Variants in RTTN observed in about 807,000 individuals in gnomAD.
RTTN encodes the protein rotatin.
A neutral mutation model predicts 269.2 loss-of-function variants in RTTN; 182 were observed. The ratio of observed to expected loss-of-function variants is 0.68; its 90% confidence interval spans 0.60 to 0.76. The LOEUF (loss-of-function observed/expected upper bound fraction) is 0.76. Among genes scored for constraint, RTTN ranks in the 30% least tolerant of loss-of-function variants. RTTN has a pLI of 0.00. For missense variants in RTTN, 2,545 were observed against 2,608.6 expected, an observed-to-expected ratio of 0.98 and a Z score of 0.53; for synonymous variants, 1,006 against 963.5, an observed-to-expected ratio of 1.04 and a Z score of -0.82.
At chr18:70,160,256 A>C (rs2060791252) in intron 14 of RTTN, among the ~76,000 whole-genome samples, 1 of 152,012 alleles carries the variant, frequency 6.6e-6, no homozygotes, top group Admixed American at 6.6e-5. Flanking sequence ...TGCCTTATCC[A>C]CTGGATGCAA....
At chr18:70,041,353 T>C (rs2144718330) in intron 40 of RTTN, among the ~76,000 whole-genome samples, 1 of 150,866 alleles carries the variant, frequency 6.6e-6, no homozygotes. Flanking sequence ...CCTCCTGAAA[T>C]CCCATTAAAA....
intron 14 of RTTN, among the ~76,000 whole-genome samples, chr18:70,162,899 A>AG: frequency 6.7e-6 from 1 of 150,196 alleles, no homozygotes; most frequent in Non-Finnish European, 1.5e-5. Flanking sequence ...AAAAAAAAAA[A>AG]AAAAACAGAA....
rs538592027 is a variant in RTTN at position 70,105,634 on chromosome 18, A to C, written c.3903+3864T>G. 3.3e-5 allele frequency among the ~76,000 whole-genome samples: 5 copies of C among 152,134 alleles called. No homozygotes were observed. In the East Asian group the frequency reaches 9.7e-4, roughly 29 times the overall value. On this transcript the variant is annotated intron_variant, in intron 28 of 48. Transcript: ENST00000640769. Reference sequence around the variant, plus strand: ...TTTGGCCATCTTGGAACCTCTCCGAAATTTATTTTATTAAAGGGACTCCAG... The same window carrying C: ...TTTGGCCATCTTGGAACCTCTCCGACATTTATTTTATTAAAGGGACTCCAG...
At chr18:70,155,071 C>A (rs2060639229) in intron 14 of RTTN, among the ~76,000 whole-genome samples, 1 of 152,152 alleles carries the variant, frequency 6.6e-6, no homozygotes, top group African/African-American at 2.4e-5. Context: ...TGTTCAAGGT[C>A]CCACCGCCTT....
intron 40 of RTTN, among the ~76,000 whole-genome samples, chr18:70,036,319 A>T (rs1401284520): frequency 6.6e-6 from 1 of 152,228 alleles, no homozygotes; most frequent in African/African-American, 2.4e-5. Context: ...GGAAAACTGG[A>T]TAAAGAAAAT....
At chr18:70,189,994 C>T (rs2146088527) in intron 9 of RTTN, among the ~76,000 whole-genome samples, 1 of 152,192 alleles carries the variant, frequency 6.6e-6, no homozygotes, top group Admixed American at 6.5e-5. Context: ...AAAATTACTA[C>T]AAAGGTAAGA....
intron 40 of RTTN, among the ~76,000 whole-genome samples, chr18:70,039,031 A>T (rs150867043): frequency 6.6e-6 from 1 of 152,324 alleles, no homozygotes; most frequent in East Asian, 1.9e-4. Flanking sequence ...ACACAGAGTC[A>T]GGGGAAGGAG....
rs73970811 is a variant in RTTN, at chr18:70,015,976, T to C, written c.6421+1431A>G. 8.0e-3 allele frequency among the ~76,000 whole-genome samples: 1,222 copies of C among 152,278 alleles called. 25 individuals carry two copies. Among genetic ancestry groups the C allele is most frequent in the African/African-American group, 0.027 (1,138 of 41,552 alleles). Reference sequence around the variant, plus strand: ...ATTATCATCACCCTCATTTTACAAATGTGAGGGCTGAAGCAGCTACAGTGG... The same window carrying C: ...ATTATCATCACCCTCATTTTACAAACGTGAGGGCTGAAGCAGCTACAGTGG... On this transcript the variant is annotated intron_variant, in intron 46 of 48. Transcript: ENST00000640769.
intron 14 of RTTN, among the ~76,000 whole-genome samples, chr18:70,155,055 C>T (rs2060638591): frequency 6.6e-6 from 1 of 152,138 alleles, no homozygotes; most frequent in South Asian, 2.1e-4. Context: ...CCCCAATTAG[C>T]CATCATGTTC....
chr18:70,157,182 C>A (rs1378081510), intron 14 of RTTN, among the ~76,000 whole-genome samples: 1 of 152,108 alleles, frequency 6.6e-6, no homozygotes, highest in Admixed American at 6.6e-5. Context: ...CCGCCCCACG[C>A]CCCCCCAGAG....
intron 45 of RTTN, 110 bp downstream of exon 45, chr18:70,020,505 A>G: frequency 9.2e-7 from 1 of 1,081,550 alleles, no homozygotes; most frequent in Non-Finnish European, 1.3e-6. Context: ...CCTTTAAAAT[A>G]AAATGCCTCA....
intron 37 of RTTN, among the ~76,000 whole-genome samples, chr18:70,054,893 T>C (rs1039956953): frequency 1.3e-5 from 2 of 152,022 alleles, no homozygotes; most frequent in Non-Finnish European, 1.5e-5. Context: ...AGTGGAAAAG[T>C]GTATAACAAA....
At chr18:70,194,824 TAG>T (rs1183555528) in intron 7 of RTTN, 2 of 152,310 alleles carry the variant, frequency 1.3e-5, no homozygotes, top group Non-Finnish European at 1.5e-5. Flanking sequence ...GCTTAATGAT[TAG>T]AGTTTCTGTT....
At chr18:70,100,774 T>C (rs567897107) in intron 28 of RTTN, among the ~76,000 whole-genome samples, 51 of 152,096 alleles carry the variant, frequency 3.4e-4, no homozygotes, top group African/African-American at 1.1e-3. Flanking sequence ...TTACTGAGAG[T>C]TTTTAGCATG....
intron 34 of RTTN, among the ~76,000 whole-genome samples, chr18:70,072,535 G>A (rs1345318762): frequency 6.6e-6 from 1 of 151,900 alleles, no homozygotes; most frequent in Admixed American, 6.6e-5. Flanking sequence ...AATTCAAAAG[G>A]TTGATATGCT....
intron 45 of RTTN, chr18:70,020,023 G>T (rs4891801): frequency 0.75 from 114,923 of 152,218 alleles, 51,169 homozygotes; most frequent in East Asian, 1. Flanking sequence ...TAGGGATTCT[G>T]TTTATACACA....
intron 35 of RTTN, among the ~76,000 whole-genome samples, chr18:70,060,494 G>A (rs1002993619): frequency 1.3e-5 from 2 of 151,560 alleles, no homozygotes; most frequent in Non-Finnish European, 2.9e-5. Context: ...TATAATCATT[G>A]TACATATTTA....
At chr18:70,128,656 C>A in intron 23 of RTTN, 110 bp from the exon 24 acceptor site, 2 of 766,060 alleles carry the variant, frequency 2.6e-6, no homozygotes, top group Non-Finnish European at 2.1e-6. Flanking sequence ...CACAATAATG[C>A]AAAGGTTTCT....
chr18:70,061,287 C>T, intron 35 of RTTN: 1 of 453,958 alleles, frequency 2.2e-6, no homozygotes, highest in South Asian at 1.6e-5. Flanking sequence ...TGAACACCTC[C>T]ATTAACCTTT....
Sources: allele counts gnomAD v4.1 joint callset (sites outside exome capture counted in the v4.1 genomes callset), GRCh38; gene constraint gnomAD v4.1.1; transcripts MANE v1.5; gene names NCBI Gene and HGNC (gene_info 2026-07-23, HGNC 2026-07-21).